The following PKP4 variants were observed in gnomAD, a reference collection of about 807,000 sequenced individuals.
PKP4 encodes plakophilin 4.
PKP4 carries 90 observed loss-of-function variants against 145.1 expected under a neutral mutation model. The observed-to-expected ratio is 0.62, with a 90% CI of 0.52 to 0.74. The LOEUF (loss-of-function observed/expected upper bound fraction) is 0.74, where lower values mean the gene tolerates loss of function less well. Ranked by LOEUF, PKP4 falls within the 30% of genes least tolerant of loss-of-function variation. The probability of loss-of-function intolerance (pLI) is 0.00; values close to 1 mark genes in which losing one functional copy is unlikely to be tolerated. For missense variants in PKP4, 1,340 were observed against 1,482.7 expected (o/e 0.90, Z 1.58); for synonymous variants, 563 against 577.2 (o/e 0.98, Z 0.35).
At chr2:158,593,236 A>G (rs902932705) in intron 3 of PKP4, among the ~76,000 whole-genome samples, 2 of 152,170 alleles carry the variant, frequency 1.3e-5, no homozygotes, top group Non-Finnish European at 2.9e-5. Context: ...TTGCCCAAAT[A>G]GGATCCTAGG....
At chr2:158,610,958 C>G (rs3755415) in intron 4 of PKP4, among the ~76,000 whole-genome samples, 4,672 of 152,012 alleles carry the variant, frequency 0.031, 202 homozygotes, top group East Asian at 0.18. Context: ...AGAAAGTGTT[C>G]GAGAAATTGA....
intron 1 of PKP4, among the ~76,000 whole-genome samples, chr2:158,484,032 CTTTTTTTTTT>C (rs11289096): frequency 1.0e-5 from 1 of 95,950 alleles, no homozygotes; most frequent in Non-Finnish European, 2.1e-5. Flanking sequence ...TTTTCTTTTT[CTTTTTTTTTT>C]TTTTTTTTTT....
At chr2:158,654,766 GTAA>G (rs1422926253) in intron 11 of PKP4, among the ~76,000 whole-genome samples, 1 of 152,152 alleles carries the variant, frequency 6.6e-6, no homozygotes, top group Admixed American at 6.5e-5. Flanking sequence ...CAAAGGGGAG[GTAA>G]TAATAATAAT....
intron 2 of PKP4, among the ~76,000 whole-genome samples, chr2:158,545,182 T>G (rs2044891376): frequency 7.0e-6 from 1 of 142,002 alleles, no homozygotes; most frequent in Admixed American, 7.8e-5. Flanking sequence ...CACTTCCCCC[T>G]TTGGGGGCTC....
chr2:158,589,333 T>C (rs1196274008), intron 3 of PKP4, among the ~76,000 whole-genome samples: 1 of 152,168 alleles, frequency 6.6e-6, no homozygotes, highest in Non-Finnish European at 1.5e-5. Context: ...CCCCTAAAGA[T>C]AGTGTTTTTC....
chr2:158,663,947 C>T (rs765730509), intron 15 of PKP4, among the ~76,000 whole-genome samples: 15 of 152,184 alleles, frequency 9.9e-5, no homozygotes, highest in Non-Finnish European at 1.9e-4. Flanking sequence ...GCAGAGAAGA[C>T]GTGTGGGCCA....
intron 12 of PKP4, chr2:158,659,435 C>T (rs1247128280): frequency 1.3e-5 from 2 of 152,234 alleles, no homozygotes; most frequent in Non-Finnish European, 2.9e-5. Flanking sequence ...GGTGAATGCC[C>T]TCTGTGTGAA....
At position 158,625,097 on chromosome 2, in the gene PKP4, T is replaced by C. The variant is rs961464494; in HGVS notation, c.823T>C (p.Tyr275His). The change falls in exon 7 of 22, where the codon TAC becomes CAC. Residue 275 changes from tyrosine to histidine, a missense_variant. Physicochemically the swap from Tyr to His is moderately conservative, Grantham distance 83. Coordinates refer to ENST00000389759, the MANE Select transcript of PKP4 (RefSeq NM_003628.6). ...ACCTGCTGCACGGGCAGCCTCTCCG[T>C]ACTCACAGAGACCCGCCTCCCCAAC... The part of the protein sequence containing the change: ...TLPAARAASP[Y>H]SQRPASPTAI... 14 of 1,614,162 alleles carry C rather than the reference T, an allele frequency of 8.7e-6. 1 individual carries two copies. The South Asian group carries it at 1.5e-4, about 18-fold the overall frequency.
chr2:158,609,866 A>G lies in PKP4; in HGVS notation c.280+6762A>G, dbSNP rs2050978808. On this transcript the variant is annotated intron_variant, in intron 4 of 21. Coordinates refer to ENST00000389759, the MANE Select transcript of PKP4 (RefSeq NM_003628.6). ...GTTGAGGGGCTGGGGGCAGAAGTTA[A>G]GGAGGGTAGGACATTTGAAAACAAA... Among the ~76,000 whole-genome samples the G allele has an allele frequency of 3.9e-5, 6 of 152,318 alleles. No individual in the cohort carries two copies. The South Asian group carries it at 1.2e-3, about 32-fold the overall frequency.
intron 4 of PKP4, among the ~76,000 whole-genome samples, chr2:158,614,449 A>C (rs1456940058): frequency 6.6e-6 from 1 of 152,206 alleles, no homozygotes; most frequent in Middle Eastern, 3.2e-3. Context: ...TGGATGCATG[A>C]GTTTCCCAGC....
chr2:158,564,273 G>C (rs889349825), intron 2 of PKP4, among the ~76,000 whole-genome samples: 1 of 151,942 alleles, frequency 6.6e-6, no homozygotes, highest in African/African-American at 2.4e-5. Flanking sequence ...ATTTTGTTGT[G>C]TTTTACTCAG....
intron 4 of PKP4, among the ~76,000 whole-genome samples, chr2:158,613,618 A>T (rs2051328345): frequency 6.6e-6 from 1 of 152,186 alleles, no homozygotes; most frequent in African/African-American, 2.4e-5. Context: ...AGGTGATTGC[A>T]TTGTACAACC....
chr2:158,625,079 G>T lies in PKP4; in HGVS notation c.805G>T (p.Ala269Ser). 6.2e-7 allele frequency: 1 copy of T among 1,614,120 alleles called. No homozygotes were observed. Among genetic ancestry groups the T allele is most frequent in the Non-Finnish European group, 8.5e-7 (1 of 1,180,014 alleles). Residue 269 changes from alanine (A) to serine (S), a missense_variant, in exon 7 of 22, where the codon GCA becomes TCA. Physicochemically the swap from Ala to Ser is moderately conservative, Grantham distance 99. Coordinates refer to ENST00000389759, the MANE Select transcript of PKP4 (RefSeq NM_003628.6). ...SAYSSTTLPA[A>S]RAASPYSQRP... is the part of the protein sequence containing the mutation. ...ATATTCCTCCACCACATTACCTGCT[G>T]CACGGGCAGCCTCTCCGTACTCACA...
chr2:158,679,620 A>G (rs2058298099), intron 21 of PKP4, among the ~76,000 whole-genome samples: 1 of 152,240 alleles, frequency 6.6e-6, no homozygotes, highest in Non-Finnish European at 1.5e-5. Context: ...GAACATAGAC[A>G]TAATAACCAT....
At position 158,643,948 on chromosome 2, in the gene PKP4, T is replaced by C. The variant is rs1282764242; in HGVS notation, c.1909+1249T>C. On this transcript the variant is annotated intron_variant, in intron 11 of 21. Coordinates refer to ENST00000389759, the MANE Select transcript of PKP4 (RefSeq NM_003628.6). ...ACCCAGCTAATTTTTGTATTTTTAG[T>C]AGAGATGGAGTCTCACCATGTTGGC... Among the ~76,000 whole-genome samples, 5 of 152,052 alleles carry C rather than the reference T, an allele frequency of 3.3e-5. No homozygotes were observed. The East Asian group carries it at 9.7e-4, about 29-fold the overall frequency.
At chr2:158,661,506 T>C in intron 13 of PKP4, 56 bp downstream of exon 13, 2 of 1,064,558 alleles carry the variant, frequency 1.9e-6, no homozygotes, top group Non-Finnish European at 2.9e-6. Flanking sequence ...TGATGCCTGG[T>C]GCCACTATTT....
chr2:158,470,962 T>A (rs994120899), intron 1 of PKP4, among the ~76,000 whole-genome samples: 2 of 152,068 alleles, frequency 1.3e-5, no homozygotes, highest in Non-Finnish European at 1.5e-5. Context: ...CCATTGAGAA[T>A]GAAAATTTCT....
intron 2 of PKP4, among the ~76,000 whole-genome samples, chr2:158,572,164 T>G (rs570676350): frequency 6.6e-6 from 1 of 152,046 alleles, no homozygotes. Context: ...TGGAAAATAC[T>G]GTCTTTGAAA....
intron 3 of PKP4, among the ~76,000 whole-genome samples, chr2:158,594,345 C>G (rs573613521): frequency 2.0e-5 from 3 of 152,256 alleles, no homozygotes; most frequent in African/African-American, 7.2e-5. Context: ...GAAAAGAAGC[C>G]CTTTGCCCTG....
Sources: gnomAD v4.1 joint callset for allele counts (sites outside exome capture counted in the v4.1 genomes callset) on GRCh38, gnomAD v4.1.1 for gene constraint, MANE v1.5 for transcripts, NCBI Gene and HGNC (gene_info 2026-07-23, HGNC 2026-07-21) for gene names.